The following RPGRIP1 variants were observed in gnomAD, a reference collection of about 807,000 sequenced individuals.
RPGRIP1 encodes the protein X-linked retinitis pigmentosa GTPase regulator-interacting protein 1.
Under a neutral mutation model 157.9 loss-of-function variants are expected in RPGRIP1, and 128 were observed. The observed-to-expected ratio is 0.81, with a 90% CI of 0.70 to 0.94. RPGRIP1 has a LOEUF of 0.94. RPGRIP1 is among the 40% of genes least tolerant of loss of function. RPGRIP1 has a pLI of 0.00. For synonymous variants in RPGRIP1, 554 were observed against 571.6 expected, an observed-to-expected ratio of 0.97 and a Z score of 0.44; for missense variants, 1,486 against 1,545.8, an observed-to-expected ratio of 0.96 and a Z score of 0.65.
intron 10 of RPGRIP1, among the ~76,000 whole-genome samples, chr14:21,317,250 A>C (rs554267034): frequency 6.6e-6 from 1 of 152,370 alleles, no homozygotes; most frequent in South Asian, 2.1e-4. Flanking sequence ...CCCGCCCTTC[A>C]GCATAGTAAT....
At chr14:21,328,868 G>T (rs1367733562) in intron 19 of RPGRIP1, among the ~76,000 whole-genome samples, 1 of 152,082 alleles carries the variant, frequency 6.6e-6, no homozygotes, top group Non-Finnish European at 1.5e-5. Flanking sequence ...ATGAGGCCTG[G>T]TGCAGTGGCT....
intron 3 of RPGRIP1, 21 bp downstream of exon 3, chr14:21,294,830 A>ATTTTTTTTTTTTTTTTTTTTTTTTTTTTT (rs746359185): frequency 1.7e-6 from 1 of 581,578 alleles, no homozygotes; most frequent in Non-Finnish European, 2.3e-6. Flanking sequence ...TTCTCCTTAA[A>ATTTTTTTTTTTTTTTTTTTTTTTTTTTTT]TTTTTTTTTT....
intron 3 of RPGRIP1, 74 bp from the exon 4 acceptor site, chr14:21,300,892 T>C: frequency 3.3e-6 from 5 of 1,520,478 alleles, no homozygotes; most frequent in Non-Finnish European, 3.6e-6. Context: ...CAATTCGTGA[T>C]TATATGTCCC....
intron 20 of RPGRIP1, among the ~76,000 whole-genome samples, 173 bp downstream of exon 20, chr14:21,330,560 G>A (rs1266107786): frequency 6.6e-6 from 1 of 152,022 alleles, no homozygotes; most frequent in African/African-American, 2.4e-5. Flanking sequence ...CAGCTACGTG[G>A]GCGGCGGAGG....
chr14:21,294,636 G>T (rs200285649), intron 2 of RPGRIP1, 41 bp from the exon 3 acceptor site: 18 of 1,599,856 alleles, frequency 1.1e-5, no homozygotes, highest in Middle Eastern at 1.7e-4. Flanking sequence ...CAAAAAATAG[G>T]TGTAAAAATA....
intron 7 of RPGRIP1, among the ~76,000 whole-genome samples, chr14:21,308,980 C>G (rs558386110): frequency 6.6e-6 from 1 of 152,014 alleles, no homozygotes; most frequent in Admixed American, 6.6e-5. Context: ...AGGTACAGGT[C>G]GGGGAAAGGA....
intron 6 of RPGRIP1, among the ~76,000 whole-genome samples, chr14:21,304,826 G>A (rs141556694): frequency 0.012 from 1,785 of 151,196 alleles, 15 homozygotes; most frequent in Middle Eastern, 0.041. Flanking sequence ...TTTTGAGATG[G>A]AGTCTCGCTC....
At chr14:21,326,999 G>A (rs1464995223) in intron 17 of RPGRIP1, among the ~76,000 whole-genome samples, 2 of 151,984 alleles carry the variant, frequency 1.3e-5, no homozygotes, top group African/African-American at 4.8e-5. Context: ...GTGAGGTGGG[G>A]GTATCCATGT....
At chr14:21,346,368 GGTGAA>G (rs1361271798) in intron 23 of RPGRIP1, among the ~76,000 whole-genome samples, 2 of 152,040 alleles carry the variant, frequency 1.3e-5, no homozygotes, top group Admixed American at 6.6e-5. Flanking sequence ...TGGCCGACAT[GGTGAA>G]ACCCCATCTC....
At chr14:21,333,315 T>G (rs1346987851) in intron 20 of RPGRIP1, among the ~76,000 whole-genome samples, 1 of 152,130 alleles carries the variant, frequency 6.6e-6, no homozygotes, top group Non-Finnish European at 1.5e-5. Flanking sequence ...TTTCCACATA[T>G]GTAGACAAAG....
At chr14:21,342,633 T>G (rs12148018) in intron 21 of RPGRIP1, among the ~76,000 whole-genome samples, 28,569 of 151,962 alleles carry the variant, frequency 0.19, 3,045 homozygotes, top group Middle Eastern at 0.29. Context: ...TTGCTGCATT[T>G]ATATATTCCA....
At chr14:21,306,061 A>G (rs1000126762) in intron 6 of RPGRIP1, among the ~76,000 whole-genome samples, 2 of 147,410 alleles carry the variant, frequency 1.4e-5, no homozygotes, top group Non-Finnish European at 3.0e-5. Context: ...ATCTCTTTCA[A>G]TCTTTCAAAC....
chr14:21,302,700 A>G (rs974048698), intron 5 of RPGRIP1, 116 bp downstream of exon 5: 2 of 605,134 alleles, frequency 3.3e-6, no homozygotes, highest in African/African-American at 1.8e-5. Flanking sequence ...ATCAGGGAAG[A>G]TGAAAGTCGA....
intron 21 of RPGRIP1, among the ~76,000 whole-genome samples, chr14:21,337,859 G>T (rs1305281306): frequency 6.9e-6 from 1 of 145,846 alleles, no homozygotes; most frequent in African/African-American, 2.6e-5. Context: ...GGGTTCAAGC[G>T]ACTCTCCTGC....
rs1885764965 is a variant in RPGRIP1, at chr14:21,348,243, A to G, written c.3689A>G (p.Tyr1230Cys). ...KKECEEVGYA[Y>C]LQLWQILESG... The stretch of plus-strand genomic sequence containing the variant: ...GAATGTGAAGAAGTGGGATATGCAT[A>G]TCTTCAACTGTGGCAGATCCTGGAG... The change falls in exon 24 of 25, where the codon TAT (tyrosine) becomes TGT (cysteine). Residue 1230 changes from tyrosine (Y) to cysteine (C), a missense_variant. Coordinates refer to ENST00000400017, the MANE Select transcript of RPGRIP1 (RefSeq NM_020366.4). 3.1e-6 allele frequency: 5 copies of G among 1,591,110 alleles called. No homozygotes were observed. Among genetic ancestry groups the G allele is most frequent in the Non-Finnish European group, 4.3e-6 (5 of 1,166,872 alleles).
intron 7 of RPGRIP1, 122 bp from the exon 8 acceptor site, chr14:21,310,462 C>A: frequency 1.7e-6 from 1 of 594,682 alleles, no homozygotes. Flanking sequence ...AACAAGTACA[C>A]AAATTGATTT....
At chr14:21,303,171 A>T (rs182097906) in intron 5 of RPGRIP1, among the ~76,000 whole-genome samples, 160 bp from the exon 6 acceptor site, 2 of 152,150 alleles carry the variant, frequency 1.3e-5, no homozygotes, top group East Asian at 3.9e-4. Flanking sequence ...CCTGGCCCAT[A>T]ATTCCTTTAT....
chr14:21,290,094 T>C (rs1375419560), intron 2 of RPGRIP1, among the ~76,000 whole-genome samples: 1 of 152,092 alleles, frequency 6.6e-6, no homozygotes, highest in Admixed American at 6.6e-5. Context: ...TGGCTTCAAG[T>C]CATCTGTCTG....
Position 21,330,336 on chromosome 14 carries a change from A to G in RPGRIP1, c.3187A>G (p.Thr1063Ala). ...AAATCAGCACGAGGAAGAGGAAATG[A>G]CATTATCCCATTCAGCACTGAAACA... ...FKNQHEEEEM[T>A]LSHSALKQKE... is the part of the protein sequence containing the mutation. The change falls in exon 20 of 25, where the codon ACA becomes GCA. Residue 1063 changes from threonine (T) to alanine (A), a missense_variant. Transcript: ENST00000400017. The G allele has an allele frequency of 1.3e-6, 2 of 1,579,126 alleles. No homozygotes were observed. Among genetic ancestry groups the G allele is most frequent in the Non-Finnish European group, 1.7e-6 (2 of 1,165,972 alleles).
Sources: allele counts gnomAD v4.1 joint callset (sites outside exome capture counted in the v4.1 genomes callset), GRCh38; gene constraint gnomAD v4.1.1; transcripts MANE v1.5; gene names NCBI Gene and HGNC (gene_info 2026-07-23, HGNC 2026-07-21).